OR51A7: variants seen among roughly 807,000 people sequenced by gnomAD.
OR51A7 encodes the protein olfactory receptor family 51 subfamily A member 7, also known as olfactory receptor 51A7.
For missense variants in OR51A7, 409 were observed against 374.5 expected (o/e 1.09, Z -0.76); for synonymous variants, 143 against 135.5 (o/e 1.05, Z -0.38).
rs1446871189 is a variant in OR51A7 at position 4,908,068 on chromosome 11, G to C, written c.699G>C (p.Arg233Ser). Residue 233 changes from arginine (R) to serine (S), a missense_variant, in exon 2 of 2, where the codon AGG (arginine) becomes AGC (serine). Physicochemically the swap from Arg to Ser is moderately radical, Grantham distance 110. Transcript: ENST00000641490. Reference protein sequence around the residue: ...TILSIASLAERLKALNTCVSH... With the variant: ...TILSIASLAESLKALNTCVSH... ...TCAGCATTGCATCTTTGGCAGAGAG[G>C]CTTAAGGCCCTAAATACCTGTGTCT... 8.1e-6 allele frequency: 13 copies of C among 1,614,152 alleles called. No homozygotes were observed. Among genetic ancestry groups the C allele is most frequent in the Non-Finnish European group, 1.0e-5 (12 of 1,180,010 alleles).
chr11:4,905,306 G>A (rs1343615929), intron 1 of OR51A7, among the ~76,000 whole-genome samples: 1 of 152,110 alleles, frequency 6.6e-6, no homozygotes, highest in Non-Finnish European at 1.5e-5. Flanking sequence ...AACTGTTCAA[G>A]GCCCTTTTCC....
chr11:4,908,301 G>T lies in OR51A7; in HGVS notation c.932G>T (p.Gly311Val). The change falls in exon 2 of 2, where the codon GGG (glycine) becomes GTG (valine). Residue 311 changes from glycine to valine, a missense_variant. Gly to Val is a moderately radical substitution (Grantham distance 109). Coordinates refer to ENST00000641490, the MANE Select transcript of OR51A7 (RefSeq NM_001004749.2). Reference protein sequence around the residue: ...KILGKLLNVCGR With the variant: ...KILGKLLNVCVR ...TTGGGGAAGTTGCTTAATGTATGTGGGAGATAAGAACTTGAACAATTAGGT... is the reference window on the plus strand; with the variant it reads ...TTGGGGAAGTTGCTTAATGTATGTGTGAGATAAGAACTTGAACAATTAGGT... 1 of 1,613,366 alleles carries T rather than the reference G, an allele frequency of 6.2e-7. No homozygotes were observed. Among genetic ancestry groups the T allele is most frequent in the Non-Finnish European group, 8.5e-7 (1 of 1,179,450 alleles).
Position 4,907,942 on chromosome 11 carries a change from C to T in OR51A7, c.573C>T (p.Asp191=). The T allele has an allele frequency of 6.2e-7, 1 of 1,614,110 alleles. No homozygotes were observed. Among genetic ancestry groups the T allele is most frequent in the South Asian group, 1.1e-5 (1 of 91,078 alleles). The change falls in exon 2 of 2, where the codon GAC becomes GAT. Residue 191 remains aspartate (D), a synonymous_variant. Coordinates refer to ENST00000641490, the MANE Select transcript of OR51A7 (RefSeq NM_001004749.2). ...HQDTMKLACS[D]NKTNVIYGFF... ...ATACCATGAAGCTGGCCTGCTCTGA[C>T]AACAAGACCAATGTCATCTATGGCT...
rs893739642 is a variant in OR51A7, at chr11:4,909,364, G to A, written c.*1056G>A. The stretch of plus-strand genomic sequence containing the variant: ...CAATCTCTCTGGGATTCTAAGGTAA[G>A]AGTGTTGTAAACAGAAAAGAAAAGC... On this transcript the variant is annotated 3_prime_UTR_variant, in exon 2 of 2. Transcript: ENST00000641490. 2 of 152,164 alleles carry A rather than the reference G, an allele frequency of 1.3e-5. No individual in the cohort carries two copies. The highest frequency in any genetic ancestry group is 4.8e-5 in the African/African-American group (2 of 41,434). The allele number at this position is 152,164 out of a possible 1,614,324, so 9.4% of individuals were successfully genotyped here.
intron 1 of OR51A7, among the ~76,000 whole-genome samples, chr11:4,904,833 T>A (rs10500631): frequency 0.096 from 14,689 of 152,228 alleles, 899 homozygotes; most frequent in Middle Eastern, 0.19. Context: ...TCTTTACATA[T>A]TTGCTGAGAG....
chr11:4,906,085 A>C (rs1321089378), intron 1 of OR51A7, among the ~76,000 whole-genome samples: 2 of 152,208 alleles, frequency 1.3e-5, no homozygotes, highest in Non-Finnish European at 2.9e-5. Flanking sequence ...ACTACTGTAG[A>C]GCTTCAAATG....
In OR51A7 at chr11:4,908,461, C is replaced by T. The variant is rs956961934; in HGVS notation, c.*153C>T. 5.2e-5 allele frequency: 37 copies of T among 713,186 alleles called. No homozygotes were observed. The highest frequency in any genetic ancestry group is 8.9e-5 in the African/African-American group (5 of 56,156). The allele number at this position is 713,186 out of a possible 1,614,324, so 44.2% of individuals were successfully genotyped here. On this transcript the variant is annotated 3_prime_UTR_variant, in exon 2 of 2. Transcript: ENST00000641490. Reference sequence around the variant, plus strand: ...ATTTATAATAAAGTTGAGAATATAACTGAACAGGATAGAAAAAAAAGTCAA... The same window carrying T: ...ATTTATAATAAAGTTGAGAATATAATTGAACAGGATAGAAAAAAAAGTCAA...
Position 4,907,790 on chromosome 11 carries a change from G to A in OR51A7, c.421G>A (p.Val141Ile), listed in dbSNP as rs1430127481. 8.7e-6 allele frequency: 14 copies of A among 1,613,884 alleles called. No homozygotes were observed. Among genetic ancestry groups the A allele is most frequent in the Admixed American group, 5.0e-5 (3 of 59,990 alleles). ...CAGTTCTATCCTCACTAGCAACAGG[G>A]TTGCTAAAATGGGACTTATTTTAGC... ...RYSSILTSNR[V>I]AKMGLILAIR... Residue 141 changes from valine to isoleucine, a missense_variant, in exon 2 of 2, where the codon GTT (valine) becomes ATT (isoleucine). Coordinates refer to ENST00000641490, the MANE Select transcript of OR51A7 (RefSeq NM_001004749.2).
intron 1 of OR51A7, among the ~76,000 whole-genome samples, chr11:4,905,554 G>A (rs1170645114): frequency 6.6e-6 from 1 of 152,054 alleles, no homozygotes; most frequent in Non-Finnish European, 1.5e-5. Flanking sequence ...TCTCTTGCAA[G>A]TTGAAGTTTA....
At position 4,907,940 on chromosome 11, in the gene OR51A7, GACA is replaced by G. The variant is rs768141268; in HGVS notation, c.576_578del (p.Asn192del). 2.5e-6 allele frequency: 4 copies of G among 1,614,092 alleles called. No homozygotes were observed. Among genetic ancestry groups the G allele is most frequent in the South Asian group, 2.2e-5 (2 of 91,078 alleles). On this transcript the variant is annotated inframe_deletion, in exon 2 of 2. Coordinates refer to ENST00000641490, the MANE Select transcript of OR51A7 (RefSeq NM_001004749.2). ...GGATACCATGAAGCTGGCCTGCTCT[GACA>G]ACAAGACCAATGTCATCTATGGCTT...
rs1850945254 is a variant in OR51A7 at position 4,908,682 on chromosome 11, G to T, written c.*374G>T. 2 of 273,366 alleles carry T rather than the reference G, an allele frequency of 7.3e-6. No individual in the cohort carries two copies. The highest frequency in any genetic ancestry group is 1.4e-5 in the Non-Finnish European group (2 of 141,386). 16.9% of individuals were successfully genotyped at this position (273,366 alleles called of 1,614,324 possible). A position where few individuals can be genotyped will look rare whatever the true frequency, so the allele number is the denominator to read the frequency against. Reference sequence around the variant, plus strand: ...GTCTAATCTCATACTGTCAAGGAAAGGTAAAATAGCTATGAAGGATGCTGA... The same window carrying T: ...GTCTAATCTCATACTGTCAAGGAAATGTAAAATAGCTATGAAGGATGCTGA... On this transcript the variant is annotated 3_prime_UTR_variant, in exon 2 of 2. Coordinates refer to ENST00000641490, the MANE Select transcript of OR51A7 (RefSeq NM_001004749.2).
In OR51A7 at chr11:4,907,571, G is replaced by A; in HGVS notation, c.202G>A (p.Val68Ile). 6.2e-7 allele frequency: 1 copy of A among 1,613,946 alleles called. No individual in the cohort carries two copies. Among genetic ancestry groups the A allele is most frequent in the South Asian group, 1.1e-5 (1 of 91,078 alleles). The change falls in exon 2 of 2, where the codon GTC becomes ATC. Residue 68 changes from valine to isoleucine, a missense_variant. Val to Ile is a conservative substitution (Grantham distance 29). Coordinates refer to ENST00000641490, the MANE Select transcript of OR51A7 (RefSeq NM_001004749.2). ...GTATTATTTCCTTGCCATGTTGGCTGTCTCTGACATGGGCCTGTCCCTCTC... is the reference window on the plus strand; with the variant it reads ...GTATTATTTCCTTGCCATGTTGGCTATCTCTGACATGGGCCTGTCCCTCTC... ...PMYYFLAMLA[V>I]SDMGLSLSSL...
In OR51A7 at chr11:4,908,508, T is replaced by A; in HGVS notation, c.*200T>A. 1 of 593,544 alleles carries A rather than the reference T, an allele frequency of 1.7e-6. No individual in the cohort carries two copies. Among genetic ancestry groups the A allele is most frequent in the Non-Finnish European group, 3.0e-6 (1 of 335,914 alleles). The allele number at this position is 593,544 out of a possible 1,614,324, so 36.8% of individuals were successfully genotyped here. Reference sequence around the variant, plus strand: ...TCAAGAGATATATAAGATATAGAGGTTTAATTAACATTTTAAGGGAAGTTG... The same window carrying A: ...TCAAGAGATATATAAGATATAGAGGATTAATTAACATTTTAAGGGAAGTTG... On this transcript the variant is annotated 3_prime_UTR_variant, in exon 2 of 2. Coordinates refer to ENST00000641490, the MANE Select transcript of OR51A7 (RefSeq NM_001004749.2).
At chr11:4,905,160 A>G (rs1180179212) in intron 1 of OR51A7, among the ~76,000 whole-genome samples, 2 of 152,158 alleles carry the variant, frequency 1.3e-5, no homozygotes, top group Non-Finnish European at 2.9e-5. Context: ...GAATTTGCTA[A>G]GAAAACACAG....
intron 1 of OR51A7, among the ~76,000 whole-genome samples, chr11:4,905,886 T>C (rs1435400587): frequency 6.6e-6 from 1 of 152,132 alleles, no homozygotes; most frequent in Non-Finnish European, 1.5e-5. Flanking sequence ...TAAAATCAGG[T>C]TCTGTTTATT....
Position 4,907,373 on chromosome 11 carries a change from T to A in OR51A7, c.4T>A (p.Ser2Thr). 6.2e-7 allele frequency: 1 copy of A among 1,606,250 alleles called. No homozygotes were observed. Among genetic ancestry groups the A allele is most frequent in the South Asian group, 1.1e-5 (1 of 90,872 alleles). The stretch of plus-strand genomic sequence containing the variant: ...ACGAGCTCATATCTCCCTCATTATG[T>A]CTGTTCTCAATAACTCCGAAGTCAA... M[S>T]VLNNSEVKLF... Residue 2 changes from serine to threonine, a missense_variant, in exon 2 of 2, where the codon TCT becomes ACT. By Grantham distance (58) the Ser-to-Thr change is moderately conservative. Transcript: ENST00000641490.
Position 4,907,520 on chromosome 11 carries a change from A to G in OR51A7, c.151A>G (p.Thr51Ala). ...GNCTILFIIK[T>A]EPSLHEPMYY... The stretch of plus-strand genomic sequence containing the variant: ...CTGCACCATTCTCTTTATTATAAAG[A>G]CAGAGCCCTCGCTTCATGAGCCCAT... Residue 51 changes from threonine (T) to alanine (A), a missense_variant, in exon 2 of 2, where the codon ACA becomes GCA. By Grantham distance (58) the Thr-to-Ala change is moderately conservative. Coordinates refer to ENST00000641490, the MANE Select transcript of OR51A7 (RefSeq NM_001004749.2). The G allele has an allele frequency of 6.2e-7, 1 of 1,614,058 alleles. No individual in the cohort carries two copies. The highest frequency in any genetic ancestry group is 8.5e-7 in the Non-Finnish European group (1 of 1,180,012).
At chr11:4,905,040 A>G in intron 1 of OR51A7, among the ~76,000 whole-genome samples, 1 of 152,286 alleles carries the variant, frequency 6.6e-6, no homozygotes, top group East Asian at 1.9e-4. Flanking sequence ...CATTCCCTGA[A>G]AGACCTGAGT....
chr11:4,906,705 G>A (rs141800287), intron 1 of OR51A7, among the ~76,000 whole-genome samples: 5 of 152,292 alleles, frequency 3.3e-5, no homozygotes, highest in African/African-American at 1.2e-4. Flanking sequence ...GCTGAAGACT[G>A]TATGGAAAAA....
Sources: allele counts gnomAD v4.1 joint callset (sites outside exome capture counted in the v4.1 genomes callset), GRCh38; gene constraint gnomAD v4.1.1; transcripts MANE v1.5; gene names NCBI Gene and HGNC (gene_info 2026-07-23, HGNC 2026-07-21).